GPATCH2L: variants seen among roughly 807,000 people sequenced by gnomAD.
GPATCH2L encodes the protein G patch domain-containing protein 2-like.
GPATCH2L carries 31 observed loss-of-function variants against 57.4 expected under a neutral mutation model. The ratio of observed to expected loss-of-function variants is 0.54; its 90% CI spans 0.41 to 0.73. The LOEUF (loss-of-function observed/expected upper bound fraction) is 0.73, where lower values mean the gene tolerates loss of function less well. GPATCH2L is among the 30% of genes least tolerant of loss of function. The probability of loss-of-function intolerance (pLI) is 0.00; values close to 1 mark genes in which losing one functional copy is unlikely to be tolerated. For synonymous variants in GPATCH2L, 199 were observed against 210.7 expected (o/e 0.94, Z 0.48); for missense variants, 481 against 599.9 (o/e 0.80, Z 2.07).
chr14:76,193,657 C>T (rs955064273), intron 8 of GPATCH2L, among the ~76,000 whole-genome samples: 1 of 152,116 alleles, frequency 6.6e-6, no homozygotes, highest in Non-Finnish European at 1.5e-5. Context: ...GAAAGAACCC[C>T]AGAAGCTCCC....
At position 76,195,154 on chromosome 14, in the gene GPATCH2L, A is replaced by T. The variant is rs191679753; in HGVS notation, c.1194-724A>T. Among the ~76,000 whole-genome samples, 30 of 152,292 alleles carry T rather than the reference A, an allele frequency of 2.0e-4. 1 individual carries two copies. Among genetic ancestry groups the T allele is most frequent in the African/African-American group, 6.7e-4 (28 of 41,562 alleles). ...AGTTTGAGAGGGACAAAATCTTCAC[A>T]TACGTAAAGATTTTTATTTTACTTC... is the stretch of plus-strand genomic sequence containing the variant. On this transcript the variant is annotated intron_variant, in intron 8 of 9. Coordinates refer to ENST00000261530, the MANE Select transcript of GPATCH2L (RefSeq NM_017926.4).
Position 76,201,824 on chromosome 14 carries a change from A to G in GPATCH2L, c.1422A>G (p.Pro474=), listed in dbSNP as rs139831765. The G allele has an allele frequency of 9.0e-5, 145 of 1,613,934 alleles. No homozygotes were observed. The highest frequency in any genetic ancestry group is 1.1e-4 in the Non-Finnish European group (132 of 1,179,952). Reference sequence around the variant, plus strand: ...CTACTGCTACATTTTTTAAAATGCCACAAGAAAAGAGCCCTGGATACAGCT... The same window carrying G: ...CTACTGCTACATTTTTTAAAATGCCGCAAGAAAAGAGCCCTGGATACAGCT... ...DATTATFFKM[P]QEKSPGYS The change falls in exon 10 of 10, where the codon CCA becomes CCG. Residue 474 remains proline, a synonymous_variant. Transcript: ENST00000261530.
chr14:76,192,660 C>G (rs1383328564), intron 8 of GPATCH2L, among the ~76,000 whole-genome samples: 3 of 152,068 alleles, frequency 2.0e-5, no homozygotes, highest in Admixed American at 1.3e-4. Context: ...CACTATATCC[C>G]TAGTGTTTAG....
chr14:76,180,535 A>T (rs17104198), intron 7 of GPATCH2L, among the ~76,000 whole-genome samples: 4,473 of 152,280 alleles, frequency 0.029, 102 homozygotes, highest in East Asian at 0.13. Flanking sequence ...GTTTTTGAAA[A>T]ATTGTTGTTT....
chr14:76,169,484 A>G (rs2038990490), intron 3 of GPATCH2L, among the ~76,000 whole-genome samples: 1 of 152,200 alleles, frequency 6.6e-6, no homozygotes. Flanking sequence ...AAAATTCTAG[A>G]GGAGCCAGAG....
intron 8 of GPATCH2L, among the ~76,000 whole-genome samples, chr14:76,181,242 A>C (rs914686022): frequency 6.6e-6 from 1 of 152,182 alleles, no homozygotes; most frequent in African/African-American, 2.4e-5. Flanking sequence ...GAGATCCAGC[A>C]GTACTAGGGA....
At chr14:76,175,498 ATAAACTGTAAATT>A (rs2039283468) in intron 5 of GPATCH2L, 1 of 152,070 alleles carries the variant, frequency 6.6e-6, no homozygotes, top group South Asian at 2.1e-4. Flanking sequence ...TTACACAGTA[ATAAACTGTAAATT>A]TAAACATTAC....
At chr14:76,224,825 A>G (rs1320485513) in intron 1 of GPATCH2L, among the ~76,000 whole-genome samples, 1 of 152,182 alleles carries the variant, frequency 6.6e-6, no homozygotes, top group Non-Finnish European at 1.5e-5. Flanking sequence ...ACTCTACAAA[A>G]ATCAATGATA....
chr14:76,233,412 T>C (rs1413386936), intron 2 of GPATCH2L, among the ~76,000 whole-genome samples: 1 of 152,204 alleles, frequency 6.6e-6, no homozygotes, highest in Non-Finnish European at 1.5e-5. Context: ...CCTTTCTGAT[T>C]ACAAATGAGG....
intron 9 of GPATCH2L, among the ~76,000 whole-genome samples, chr14:76,199,065 T>C (rs2040239248): frequency 6.6e-6 from 1 of 152,146 alleles, no homozygotes; most frequent in African/African-American, 2.4e-5. Flanking sequence ...TCTTAGTAAA[T>C]ATTGAAGGGG....
chr14:76,201,779 A>C lies in GPATCH2L; in HGVS notation c.1377A>C (p.Ala459=), dbSNP rs2040316006. ...AGTGGTTGGTGAGGACCTCTGCAGC[A>C]GAGAAAGCCACAGACGCAACTACTG... is the stretch of plus-strand genomic sequence containing the variant. ...SSEWLVRTSA[A]EKATDATTAT... is the part of the protein sequence containing the mutation. Residue 459 remains alanine (A), a synonymous_variant, in exon 10 of 10, where the codon GCA becomes GCC. Coordinates refer to ENST00000261530, the MANE Select transcript of GPATCH2L (RefSeq NM_017926.4). The C allele has an allele frequency of 6.2e-7, 1 of 1,614,112 alleles. No individual in the cohort carries two copies. The highest frequency in any genetic ancestry group is 8.5e-7 in the Non-Finnish European group (1 of 1,179,950).
intron 8 of GPATCH2L, among the ~76,000 whole-genome samples, chr14:76,184,596 A>G (rs2039699380): frequency 6.6e-6 from 1 of 152,244 alleles, no homozygotes; most frequent in African/African-American, 2.4e-5. Flanking sequence ...TAATATTAAA[A>G]TAACATTTTA....
chr14:76,163,119 T>C (rs2038673071), intron 2 of GPATCH2L, among the ~76,000 whole-genome samples: 2 of 152,208 alleles, frequency 1.3e-5, no homozygotes, highest in Non-Finnish European at 2.9e-5. Flanking sequence ...GGCCCTTCAG[T>C]GAACGCATGG....
chr14:76,196,031 G>T (rs980979098), intron 9 of GPATCH2L, 59 bp downstream of exon 9: 1 of 1,212,736 alleles, frequency 8.2e-7, no homozygotes, highest in African/African-American at 1.6e-5. Flanking sequence ...ACTAAATTAT[G>T]TGTTTTGTAT....
chr14:76,215,478 G>A (rs899007806), downstream of GPATCH2L, among the ~76,000 whole-genome samples: 18 of 151,660 alleles, frequency 1.2e-4, no homozygotes, highest in African/African-American at 3.9e-4. Flanking sequence ...TATGTTTATT[G>A]CGGCATTATT....
intron 7 of GPATCH2L, among the ~76,000 whole-genome samples, chr14:76,180,367 AAACAT>A (rs2039516012): frequency 6.6e-6 from 1 of 152,216 alleles, no homozygotes; most frequent in East Asian, 1.9e-4. Flanking sequence ...TTATTCTTGG[AAACAT>A]TTGCCAGGAT....
At position 76,214,076 on chromosome 14, in the gene GPATCH2L, TG is replaced by T. The variant is rs2040470291; in HGVS notation, c.*12226del. 1 of 152,216 alleles carries T rather than the reference TG, an allele frequency of 6.6e-6. No homozygotes were observed. The highest frequency in any genetic ancestry group is 1.5e-5 in the Non-Finnish European group (1 of 68,024). The allele number at this position is 152,216 out of a possible 1,614,324, so 9.4% of individuals were successfully genotyped here. On this transcript the variant is annotated 3_prime_UTR_variant, in exon 10 of 10. Coordinates refer to ENST00000261530, the MANE Select transcript of GPATCH2L (RefSeq NM_017926.4). ...GTGCTTCTGGCTATTCATACATGTT[TG>T]TTTTTCCATGTGAACTTTAGTATCA...
chr14:76,178,947 T>C (rs1037868098), intron 7 of GPATCH2L: 1 of 152,250 alleles, frequency 6.6e-6, no homozygotes, highest in Non-Finnish European at 1.5e-5. Flanking sequence ...TGTTTCTTTA[T>C]GTGTGAAGCT....
intron 3 of GPATCH2L, among the ~76,000 whole-genome samples, chr14:76,168,671 A>G (rs1226802085): frequency 6.6e-6 from 1 of 152,208 alleles, no homozygotes; most frequent in African/African-American, 2.4e-5. Context: ...TGCTTGAATC[A>G]TATCTGTTAA....
Sources: gnomAD v4.1 joint callset for allele counts (sites outside exome capture counted in the v4.1 genomes callset) on GRCh38, gnomAD v4.1.1 for gene constraint, MANE v1.5 for transcripts, NCBI Gene and HGNC (gene_info 2026-07-23, HGNC 2026-07-21) for gene names.